The following ATP13A3 variants were observed in gnomAD, a reference collection of about 807,000 sequenced individuals.
ATP13A3 encodes the protein ATPase 13A3.
ATP13A3 carries 59 observed loss-of-function variants against 158.1 expected under a neutral mutation model. That is an observed-to-expected ratio of 0.37 (90% CI 0.30 to 0.46). The LOEUF (loss-of-function observed/expected upper bound fraction) is 0.46, where lower values mean the gene tolerates loss of function less well. Among genes scored for constraint, ATP13A3 ranks in the 20% least tolerant of loss-of-function variants. The pLI is 1.00. For missense variants in ATP13A3, 1,166 were observed against 1,525.2 expected, an observed-to-expected ratio of 0.76 and a Z score of 3.92; for synonymous variants, 491 against 504.3, an observed-to-expected ratio of 0.97 and a Z score of 0.35.
chr3:194,428,164 T>C (rs1474153884), intron 28 of ATP13A3, among the ~76,000 whole-genome samples: 1 of 144,434 alleles, frequency 6.9e-6, no homozygotes, highest in Non-Finnish European at 1.5e-5. Context: ...GAGGTTGCAG[T>C]GAGCTGAGAT....
At position 194,412,246 on chromosome 3, in the gene ATP13A3, G is replaced by T; in HGVS notation, c.3526C>A (p.Arg1176=). The T allele has an allele frequency of 6.5e-7, 1 of 1,536,336 alleles. No individual in the cohort carries two copies. Among genetic ancestry groups the T allele is most frequent in the Non-Finnish European group, 8.7e-7 (1 of 1,146,970 alleles). ...AACCGATACTCTCCTTGTTTGTCTC[G>T]GTTGAACACAACTTTCCAAAGGACC... ...DMVLWKVVFN[R]DKQGEYRFST... The change falls in exon 33 of 34, where the codon CGA becomes AGA. Residue 1176 remains arginine (R), a synonymous_variant. Transcript: ENST00000645319.
chr3:194,433,739 C>T (rs1209935584), intron 21 of ATP13A3, 33 bp downstream of exon 21: 5 of 1,611,914 alleles, frequency 3.1e-6, no homozygotes, highest in Non-Finnish European at 3.4e-6. Flanking sequence ...TGTCACACTC[C>T]ATTTGCTTCT....
At chr3:194,421,221 G>A (rs1170318321) in intron 30 of ATP13A3, among the ~76,000 whole-genome samples, 3 of 96,258 alleles carry the variant, frequency 3.1e-5, no homozygotes, top group Non-Finnish European at 6.4e-5. Context: ...CAAAGGTGGA[G>A]ACATATTTTT....
chr3:194,444,972 G>C (rs1718300509), intron 14 of ATP13A3, among the ~76,000 whole-genome samples, 186 bp from the exon 15 acceptor site: 1 of 152,132 alleles, frequency 6.6e-6, no homozygotes, highest in Non-Finnish European at 1.5e-5. Flanking sequence ...AGGACATATG[G>C]TTAAAGTGGG....
At chr3:194,427,356 T>C in intron 28 of ATP13A3, 104 bp from the exon 29 acceptor site, 1 of 1,028,096 alleles carries the variant, frequency 9.7e-7, no homozygotes, top group East Asian at 2.8e-5. Context: ...TGTTTTTGCC[T>C]AACAATTCTT....
At position 194,418,547 on chromosome 3, in the gene ATP13A3, G is replaced by A. The variant is rs533828966; in HGVS notation, c.3402+1332C>T. 4.6e-5 allele frequency among the ~76,000 whole-genome samples: 7 copies of A among 152,156 alleles called. No homozygotes were observed. In the South Asian group the frequency reaches 1.5e-3, roughly 32 times the overall value. ...GGCAGTTCACAGAGAAAATAAAAAT[G>A]GCCATTAAACACATGAAAAAATGCT... On this transcript the variant is annotated intron_variant, in intron 31 of 33. Transcript: ENST00000645319.
rs973153768 is a variant in ATP13A3, at chr3:194,405,046, A to G, written c.*873T>C. ...ACATAGAAGAAAATTTTAAAAAACC[A>G]TTTAAAATAACACAAAGCCTGACAG... On this transcript the variant is annotated 3_prime_UTR_variant, in exon 34 of 34. Coordinates refer to ENST00000645319, the MANE Select transcript of ATP13A3 (RefSeq NM_001367549.1). 6.6e-6 allele frequency: 1 copy of G among 152,242 alleles called. No homozygotes were observed. Among genetic ancestry groups the G allele is most frequent in the Non-Finnish European group, 1.5e-5 (1 of 68,046 alleles). The allele number at this position is 152,242 out of a possible 1,614,324, so 9.4% of individuals were successfully genotyped here. A position where few individuals can be genotyped will look rare whatever the true frequency, so the allele number is the denominator to read the frequency against.
chr3:194,438,856 C>T lies in ATP13A3; in HGVS notation c.1827G>A (p.Met609Ile), dbSNP rs1717846692. The change falls in exon 17 of 34, where the codon ATG becomes ATA. Residue 609 changes from methionine to isoleucine, a missense_variant and splice_region_variant. Transcript: ENST00000645319. ...PESTPAGNQEMELFELPATYE... is the reference protein window; with the variant it reads ...PESTPAGNQEIELFELPATYE... ...TATCTAGCTTTAAGTGATTTCTCAC[C>T]ATTTCTTGGTTTCCTGCAGGGGTAG... 3.9e-6 allele frequency: 6 copies of T among 1,552,282 alleles called. No homozygotes were observed. The highest frequency in any genetic ancestry group is 5.3e-6 in the Non-Finnish European group (6 of 1,134,752).
chr3:194,417,999 G>C (rs1406742112), intron 31 of ATP13A3, among the ~76,000 whole-genome samples: 4 of 140,194 alleles, frequency 2.9e-5, no homozygotes, highest in African/African-American at 1.0e-4. Flanking sequence ...GAGGGAGGGA[G>C]GGAGGGAGGA....
chr3:194,417,252 C>G (rs1361979451), intron 31 of ATP13A3, among the ~76,000 whole-genome samples: 1 of 152,138 alleles, frequency 6.6e-6, no homozygotes, highest in Non-Finnish European at 1.5e-5. Flanking sequence ...GAAAACCCAT[C>G]TCTACTAAGA....
chr3:194,415,661 CTTTTTTTTT>C (rs751005733), intron 31 of ATP13A3, among the ~76,000 whole-genome samples: 5 of 90,928 alleles, frequency 5.5e-5, no homozygotes, highest in East Asian at 6.4e-4. Flanking sequence ...ATACCACATT[CTTTTTTTTT>C]TTTTTTTTTT....
chr3:194,443,631 C>T (rs1204913210), intron 15 of ATP13A3, among the ~76,000 whole-genome samples: 1 of 151,976 alleles, frequency 6.6e-6, no homozygotes, highest in Non-Finnish European at 1.5e-5. Context: ...TACTATTTTC[C>T]AAGACACAAC....
chr3:194,468,603 C>G (rs1186927404), intron 2 of ATP13A3, among the ~76,000 whole-genome samples: 5 of 152,164 alleles, frequency 3.3e-5, no homozygotes, highest in African/African-American at 1.2e-4. Flanking sequence ...ACACAGAAAT[C>G]TCCAAACCTC....
At chr3:194,455,132 G>T (rs1719132671) in intron 8 of ATP13A3, among the ~76,000 whole-genome samples, 1 of 152,130 alleles carries the variant, frequency 6.6e-6, no homozygotes, top group South Asian at 2.1e-4. Flanking sequence ...TATATCAAAA[G>T]TTAACTGGAG....
rs1023146034 is a variant in ATP13A3 at position 194,404,249 on chromosome 3, T to C, written c.*1670A>G. The C allele has an allele frequency of 8.5e-6, 3 of 352,332 alleles. No individual in the cohort carries two copies. Among genetic ancestry groups the C allele is most frequent in the East Asian group, 1.0e-4 (1 of 9,820 alleles). The allele number at this position is 352,332 out of a possible 1,614,324, so 21.8% of individuals were successfully genotyped here. On this transcript the variant is annotated 3_prime_UTR_variant, in exon 34 of 34. Transcript: ENST00000645319. Reference sequence around the variant, plus strand: ...TCTAATGTGTATTAATAGCATATTATACATTTGATGGAAAACTTCGATTAT... The same window carrying C: ...TCTAATGTGTATTAATAGCATATTACACATTTGATGGAAAACTTCGATTAT...
Position 194,483,106 on chromosome 3 carries a change from C to CAAA in ATP13A3, c.-47+2685_-47+2687dup, listed in dbSNP as rs112702787. Among the ~76,000 whole-genome samples the CAAA allele has an allele frequency of 8.3e-3, 1,027 of 124,444 alleles. 7 individuals are homozygous for CAAA. Among genetic ancestry groups the CAAA allele is most frequent in the Middle Eastern group, 0.012 (3 of 246 alleles). 81.6% of individuals were successfully genotyped at this position (124,444 alleles called of 152,430 possible). On this transcript the variant is annotated intron_variant, in intron 2 of 33. Coordinates refer to ENST00000645319, the MANE Select transcript of ATP13A3 (RefSeq NM_001367549.1). ...AGGATGACAGTACAAGACTCCGTCTCAAAAAAAAAAAAAAAATTTTTTTTT... is the reference window on the plus strand; with the variant it reads ...AGGATGACAGTACAAGACTCCGTCTCAAAAAAAAAAAAAAAAAAATTTTTTTTT...
At chr3:194,415,661 C>CTGTTTTTTTTTTTTTTTTTTTTT (rs1208643552) in intron 31 of ATP13A3, among the ~76,000 whole-genome samples, 4 of 90,928 alleles carry the variant, frequency 4.4e-5, no homozygotes, top group East Asian at 3.2e-4. Flanking sequence ...ATACCACATT[C>CTGTTTTTTTTTTTTTTTTTTTTT]TTTTTTTTTT....
chr3:194,433,271 CT>C (rs1180961859), intron 21 of ATP13A3, among the ~76,000 whole-genome samples: 1 of 132,908 alleles, frequency 7.5e-6, no homozygotes, highest in Non-Finnish European at 1.5e-5. Context: ...GAGTCTCGCT[CT>C]GTCGCCCAGG....
At chr3:194,446,868 A>C in intron 14 of ATP13A3, 59 bp downstream of exon 14, 1 of 1,407,912 alleles carries the variant, frequency 7.1e-7, no homozygotes, top group Non-Finnish European at 9.6e-7. Flanking sequence ...AAAAACATTG[A>C]TCTAAATATT....
Sources: allele counts gnomAD v4.1 joint callset (sites outside exome capture counted in the v4.1 genomes callset), GRCh38; gene constraint gnomAD v4.1.1; transcripts MANE v1.5; gene names NCBI Gene and HGNC (gene_info 2026-07-23, HGNC 2026-07-21).